Variants in GULP1 observed in about 807,000 individuals in gnomAD.
The protein encoded by GULP1 is GULP PTB domain containing engulfment adaptor 1, also known as PTB domain-containing engulfment adapter protein 1.
Under a neutral mutation model 40.9 loss-of-function variants are expected in GULP1, and 19 were observed. The ratio of observed to expected loss-of-function variants is 0.46; its 90% CI spans 0.32 to 0.68. The LOEUF is 0.68. GULP1 is among the 30% of genes least tolerant of loss of function. The pLI, the probability that GULP1 is intolerant of heterozygous loss-of-function variation, is 0.03. For synonymous variants in GULP1, 119 were observed against 117.6 expected (o/e 1.01, Z -0.08); for missense variants, 312 against 362.2 (o/e 0.86, Z 1.12).
intron 7 of GULP1, among the ~76,000 whole-genome samples, chr2:188,554,353 G>T (rs1431025109): frequency 6.6e-6 from 1 of 151,460 alleles, no homozygotes; most frequent in South Asian, 2.1e-4. Context: ...GTTTCCATTT[G>T]TTTCAAGAAT....
intron 6 of GULP1, among the ~76,000 whole-genome samples, chr2:188,534,693 G>A (rs1688466918): frequency 6.6e-6 from 1 of 151,996 alleles, no homozygotes; most frequent in South Asian, 2.1e-4. Flanking sequence ...AAACAAACAG[G>A]GAAAGGTAGT....
chr2:188,439,666 C>G (rs542811201), intron 2 of GULP1, among the ~76,000 whole-genome samples: 74 of 152,076 alleles, frequency 4.9e-4, no homozygotes, highest in Admixed American at 1.6e-3. Context: ...GGACATGACT[C>G]TGGTGGTAGG....
chr2:188,485,893 C>T (rs1038195210), intron 4 of GULP1, among the ~76,000 whole-genome samples: 4 of 151,992 alleles, frequency 2.6e-5, no homozygotes, highest in African/African-American at 9.7e-5. Flanking sequence ...GGATCTGGCT[C>T]ATCCAGATTA....
chr2:188,389,270 A>G (rs1354724406), intron 2 of GULP1, among the ~76,000 whole-genome samples: 2 of 152,210 alleles, frequency 1.3e-5, no homozygotes, highest in South Asian at 2.1e-4. Context: ...TTAAAATTTC[A>G]TTGCAATTCC....
intron 3 of GULP1, 43 bp from the exon 4 acceptor site, chr2:188,483,388 C>G (rs2061588131): frequency 1.0e-6 from 1 of 963,470 alleles, no homozygotes; most frequent in Admixed American, 1.8e-5. Context: ...GAATATGACA[C>G]CATGGAAACC....
chr2:188,299,850 T>C (rs1273563898), intron 1 of GULP1, among the ~76,000 whole-genome samples: 2 of 152,092 alleles, frequency 1.3e-5, no homozygotes, highest in Admixed American at 1.3e-4. Context: ...TGGGCAGGCA[T>C]TGAAAAGGGA....
At chr2:188,325,570 A>G (rs538107600) in intron 1 of GULP1, among the ~76,000 whole-genome samples, 3 of 152,236 alleles carry the variant, frequency 2.0e-5, no homozygotes, top group Non-Finnish European at 4.4e-5. Flanking sequence ...AGTAATTATT[A>G]TCCTAGCTAT....
intron 2 of GULP1, among the ~76,000 whole-genome samples, chr2:188,475,969 T>G (rs995768607): frequency 3.3e-5 from 5 of 152,124 alleles, no homozygotes; most frequent in African/African-American, 1.2e-4. Context: ...AGCCAGCCTC[T>G]TGAAAGGACT....
intron 2 of GULP1, among the ~76,000 whole-genome samples, chr2:188,456,764 G>C (rs1424337919): frequency 1.3e-5 from 2 of 152,154 alleles, no homozygotes; most frequent in African/African-American, 4.8e-5. Context: ...CTGAGAGCTT[G>C]TACCGTGCAC....
chr2:188,382,509 T>C lies in GULP1; in HGVS notation c.-171-1254T>C, dbSNP rs142181267. 4.7e-3 allele frequency among the ~76,000 whole-genome samples: 720 copies of C among 152,296 alleles called. 2 individuals are homozygous for C. The highest frequency in any genetic ancestry group is 8.5e-3 in the Non-Finnish European group (578 of 68,036). Reference sequence around the variant, plus strand: ...CATCTCCCAAATAAACTTCTCGCATTGAAGTTATTATTACCTCAGTGTTTG... The same window carrying C: ...CATCTCCCAAATAAACTTCTCGCATCGAAGTTATTATTACCTCAGTGTTTG... On this transcript the variant is annotated intron_variant, in intron 1 of 11. Coordinates refer to ENST00000409830, the MANE Select transcript of GULP1 (RefSeq NM_016315.4).
At chr2:188,429,980 A>G (rs1427760731) in intron 2 of GULP1, among the ~76,000 whole-genome samples, 1 of 152,128 alleles carries the variant, frequency 6.6e-6, no homozygotes, top group Non-Finnish European at 1.5e-5. Context: ...AAGTGCTGGG[A>G]TTTCAGTGGA....
chr2:188,587,760 G>A (rs1702699362), intron 10 of GULP1, 95 bp from the exon 11 acceptor site: 2 of 711,122 alleles, frequency 2.8e-6, no homozygotes, highest in Non-Finnish European at 2.5e-6. Flanking sequence ...ATTTGATCAT[G>A]TAAATATTCA....
intron 2 of GULP1, among the ~76,000 whole-genome samples, chr2:188,446,488 A>G (rs1438321091): frequency 6.6e-6 from 1 of 152,196 alleles, no homozygotes; most frequent in African/African-American, 2.4e-5. Flanking sequence ...GTGGCGGCAT[A>G]AAATTGTTCA....
At chr2:188,542,811 T>A (rs779122218) in intron 7 of GULP1, among the ~76,000 whole-genome samples, 1 of 152,198 alleles carries the variant, frequency 6.6e-6, no homozygotes, top group African/African-American at 2.4e-5. Context: ...ACTGAGAAGA[T>A]TAAAGTTGAT....
intron 2 of GULP1, among the ~76,000 whole-genome samples, chr2:188,402,834 A>G (rs558083207): frequency 2.6e-5 from 4 of 152,260 alleles, no homozygotes; most frequent in African/African-American, 9.6e-5. Context: ...CTTACATATT[A>G]CATTGTATAT....
At chr2:188,345,571 T>C (rs1164570013) in intron 1 of GULP1, among the ~76,000 whole-genome samples, 3 of 152,236 alleles carry the variant, frequency 2.0e-5, no homozygotes, top group South Asian at 2.1e-4. Context: ...TTGTTGCCTG[T>C]TGAAAATAGT....
intron 4 of GULP1, among the ~76,000 whole-genome samples, chr2:188,492,872 T>A (rs1312380606): frequency 2.0e-5 from 3 of 152,026 alleles, no homozygotes; most frequent in Non-Finnish European, 4.4e-5. Flanking sequence ...AATAGCACAT[T>A]TCAAATTTTG....
chr2:188,372,695 G>A (rs576193826), intron 1 of GULP1, among the ~76,000 whole-genome samples: 1 of 152,064 alleles, frequency 6.6e-6, no homozygotes, highest in South Asian at 2.1e-4. Context: ...AATTAGACTG[G>A]ACCTTTTTAT....
chr2:188,421,349 G>C (rs1262034704), intron 2 of GULP1, among the ~76,000 whole-genome samples: 1 of 151,918 alleles, frequency 6.6e-6, no homozygotes, highest in African/African-American at 2.4e-5. Context: ...GAAATTAATG[G>C]TGTTTATATT....
Sources: allele counts gnomAD v4.1 joint callset (sites outside exome capture counted in the v4.1 genomes callset), GRCh38; gene constraint gnomAD v4.1.1; transcripts MANE v1.5; gene names NCBI Gene and HGNC (gene_info 2026-07-23, HGNC 2026-07-21).